The following DYM variants were observed in gnomAD, a reference collection of about 807,000 sequenced individuals.
DYM encodes dymeclin.
In DYM, 78 loss-of-function variants were observed where a neutral mutation model predicts 93.1. That is an observed-to-expected ratio of 0.84 (90% CI 0.70 to 1.01). The LOEUF is 1.01. Ranked by LOEUF, DYM falls within the 50% of genes least tolerant of loss-of-function variation. DYM has a pLI of 0.00. For missense variants in DYM, 789 were observed against 845.0 expected (o/e 0.93, Z 0.82); for synonymous variants, 321 against 319.7 (o/e 1.00, Z -0.04).
intron 17 of DYM, among the ~76,000 whole-genome samples, chr18:49,059,410 C>A (rs2075766593): frequency 6.6e-6 from 1 of 152,198 alleles, no homozygotes; most frequent in Non-Finnish European, 1.5e-5. Context: ...CCCATGCATC[C>A]TTCTTTCCTT....
intron 1 of DYM, among the ~76,000 whole-genome samples, chr18:49,456,380 A>G (rs1277183677): frequency 6.6e-6 from 1 of 152,210 alleles, no homozygotes; most frequent in Non-Finnish European, 1.5e-5. Context: ...AGGGTTTTCA[A>G]AGTATTCTGG....
At chr18:49,203,345 G>A (rs1205866790) in intron 14 of DYM, among the ~76,000 whole-genome samples, 2 of 108,862 alleles carry the variant, frequency 1.8e-5, no homozygotes, top group South Asian at 3.4e-4. Context: ...CACCCCGTCT[G>A]GGAGGTGTGC....
intron 14 of DYM, among the ~76,000 whole-genome samples, chr18:49,166,285 T>C (rs1356863323): frequency 2.0e-5 from 3 of 152,230 alleles, no homozygotes; most frequent in African/African-American, 7.2e-5. Context: ...CCTTTCACTT[T>C]GTCTATCTAA....
intron 2 of DYM, among the ~76,000 whole-genome samples, chr18:49,417,552 T>G (rs1364509039): frequency 6.7e-6 from 1 of 149,534 alleles, no homozygotes; most frequent in Middle Eastern, 3.2e-3. Flanking sequence ...TTGGTATATA[T>G]GCCCCCCCAT....
intron 2 of DYM, among the ~76,000 whole-genome samples, chr18:49,427,102 A>T (rs1600169184): frequency 6.6e-6 from 1 of 152,202 alleles, no homozygotes; most frequent in South Asian, 2.1e-4. Context: ...ATGCTAAAAT[A>T]CACTCAAAAC....
chr18:49,305,132 C>G (rs541833708), intron 8 of DYM, among the ~76,000 whole-genome samples: 1 of 152,222 alleles, frequency 6.6e-6, no homozygotes, highest in South Asian at 2.1e-4. Context: ...CCCTCCTCAC[C>G]CAACTAGGAT....
rs79909328 is a variant in DYM, at chr18:49,194,228, G to A, written c.1625+15323C>T. Among the ~76,000 whole-genome samples, 13 of 152,314 alleles carry A rather than the reference G, an allele frequency of 8.5e-5. No homozygotes were observed. The East Asian group carries it at 2.5e-3, about 29-fold the overall frequency. ...CCCAGAGGAAGAGCATCCAACTTGAGGAATTTTGTATCCAATCCAAATCCT... is the reference window on the plus strand; with the variant it reads ...CCCAGAGGAAGAGCATCCAACTTGAAGAATTTTGTATCCAATCCAAATCCT... On this transcript the variant is annotated intron_variant, in intron 14 of 17. Transcript: ENST00000675505.
At chr18:49,108,165 A>T (rs1458985448) in intron 16 of DYM, among the ~76,000 whole-genome samples, 3 of 152,188 alleles carry the variant, frequency 2.0e-5, no homozygotes, top group African/African-American at 7.2e-5. Flanking sequence ...CTACTGTGCT[A>T]GCAATGAGCG....
chr18:49,132,446 A>G (rs1305050667), intron 15 of DYM, among the ~76,000 whole-genome samples: 2 of 152,142 alleles, frequency 1.3e-5, no homozygotes, highest in Non-Finnish European at 2.9e-5. Flanking sequence ...ATAACCATGA[A>G]AAAAGGGAAA....
At chr18:49,065,856 A>G (rs1662129) in intron 17 of DYM, among the ~76,000 whole-genome samples, 150,642 of 152,176 alleles carry the variant, frequency 0.99, 74,597 homozygotes, top group Middle Eastern at 1. Context: ...TTAGGAGAGC[A>G]AAAACGGGTG....
At chr18:49,363,093 A>T (rs981996027) in intron 6 of DYM, 68 bp downstream of exon 6, 33 of 1,317,596 alleles carry the variant, frequency 2.5e-5, no homozygotes, top group Non-Finnish European at 3.5e-5. Flanking sequence ...CAAACTTCTC[A>T]ACATGATCAA....
intron 3 of DYM, among the ~76,000 whole-genome samples, chr18:49,389,484 A>C (rs80008333): frequency 0.011 from 1,657 of 152,270 alleles, 28 homozygotes; most frequent in African/African-American, 0.038. Flanking sequence ...ATGTATAATG[A>C]GTAAATATTA....
At chr18:49,358,608 C>T (rs190774514) in intron 6 of DYM, among the ~76,000 whole-genome samples, 2 of 152,286 alleles carry the variant, frequency 1.3e-5, no homozygotes, top group Admixed American at 1.3e-4. Context: ...ATCTGCAAAT[C>T]AGGGCCAGAC....
chr18:49,048,718 ACT>A (rs1568339555), intron 17 of DYM, among the ~76,000 whole-genome samples: 2 of 152,144 alleles, frequency 1.3e-5, no homozygotes, highest in South Asian at 2.1e-4. Flanking sequence ...CTTTGGGGAA[ACT>A]CTGATGACTA....
intron 4 of DYM, among the ~76,000 whole-genome samples, chr18:49,379,166 A>G (rs956896688): frequency 3.3e-5 from 5 of 152,202 alleles, no homozygotes; most frequent in Non-Finnish European, 7.4e-5. Flanking sequence ...TATTGGATTC[A>G]ATGTAATTTG....
intron 14 of DYM, among the ~76,000 whole-genome samples, chr18:49,205,666 T>C (rs114121187): frequency 6.6e-6 from 1 of 152,116 alleles, no homozygotes; most frequent in Non-Finnish European, 1.5e-5. Context: ...GTATTTAAGC[T>C]GAAGAGAACA....
intron 14 of DYM, 23 bp from the exon 15 acceptor site, chr18:49,163,810 A>C (rs1446258322): frequency 6.9e-7 from 1 of 1,455,486 alleles, no homozygotes; most frequent in Non-Finnish European, 9.5e-7. Flanking sequence ...ACAAAAAACC[A>C]ATTATATTAA....
intron 3 of DYM, among the ~76,000 whole-genome samples, chr18:49,389,722 T>C (rs1376680640): frequency 6.6e-6 from 1 of 151,940 alleles, no homozygotes; most frequent in Non-Finnish European, 1.5e-5. Context: ...AGAGATGGGG[T>C]CTTATTATGT....
intron 15 of DYM, among the ~76,000 whole-genome samples, chr18:49,125,034 C>T (rs531217363): frequency 6.6e-6 from 1 of 152,150 alleles, no homozygotes; most frequent in East Asian, 1.9e-4. Context: ...CTGAGGCAGG[C>T]GGATCACGAG....
Sources: gnomAD v4.1 joint callset for allele counts (sites outside exome capture counted in the v4.1 genomes callset) on GRCh38, gnomAD v4.1.1 for gene constraint, MANE v1.5 for transcripts, NCBI Gene and HGNC (gene_info 2026-07-23, HGNC 2026-07-21) for gene names.